Variants in PIK3C3 observed in about 807,000 individuals in gnomAD.
The protein encoded by PIK3C3 is phosphatidylinositol 3-kinase catalytic subunit type 3.
Under a neutral mutation model 126.1 loss-of-function variants are expected in PIK3C3, and 95 were observed. The observed-to-expected ratio is 0.75, with a 90% confidence interval of 0.64 to 0.89. The LOEUF (loss-of-function observed/expected upper bound fraction) is 0.89, where lower values mean the gene tolerates loss of function less well. Among genes scored for constraint, PIK3C3 ranks in the 40% least tolerant of loss-of-function variants. The probability of loss-of-function intolerance (pLI) is 0.00; values close to 1 mark genes in which losing one functional copy is unlikely to be tolerated. For missense variants in PIK3C3, 829 were observed against 1,063.2 expected, an observed-to-expected ratio of 0.78 and a Z score of 3.06; for synonymous variants, 374 against 360.0, an observed-to-expected ratio of 1.04 and a Z score of -0.44.
intron 16 of PIK3C3, among the ~76,000 whole-genome samples, chr18:42,035,719 T>A (rs1363705670): frequency 6.6e-6 from 1 of 152,148 alleles, no homozygotes; most frequent in African/African-American, 2.4e-5. Flanking sequence ...GATTATGCAC[T>A]TCAGAAAATT....
intron 22 of PIK3C3, among the ~76,000 whole-genome samples, chr18:42,061,727 C>T (rs953960237): frequency 4.6e-5 from 7 of 152,064 alleles, no homozygotes; most frequent in African/African-American, 1.7e-4. Flanking sequence ...AAGATTAATA[C>T]CAAAGGTAGT....
chr18:42,007,242 G>T (rs1319098417), intron 10 of PIK3C3, among the ~76,000 whole-genome samples: 1 of 152,066 alleles, frequency 6.6e-6, no homozygotes, highest in African/African-American at 2.4e-5. Flanking sequence ...TTTACATTTT[G>T]CAGACAATCC....
intron 20 of PIK3C3, among the ~76,000 whole-genome samples, chr18:42,044,361 A>G (rs1390957735): frequency 6.7e-6 from 1 of 148,312 alleles, no homozygotes; most frequent in Non-Finnish European, 1.5e-5. Flanking sequence ...CGAAGGTTAT[A>G]TTCTACAGGA....
chr18:42,052,035 AG>A (rs1984829374), intron 21 of PIK3C3, among the ~76,000 whole-genome samples: 3 of 152,010 alleles, frequency 2.0e-5, no homozygotes, highest in African/African-American at 7.2e-5. Flanking sequence ...AAAAAAAGGT[AG>A]TATTACATCT....
Position 42,015,498 on chromosome 18 carries a change from C to T in PIK3C3, c.1348C>T (p.Leu450Phe), listed in dbSNP as rs1272631006. ...CAGCTCCCAAATTATAACCAGCCCC[C>T]TTCCTTCAGTCTCTTCACCTCCTCC... The part of the protein sequence containing the change: ...IDSSQIITSP[L>F]PSVSSPPPAS... The change falls in exon 12 of 25, where the codon CTT becomes TTT. Residue 450 changes from leucine to phenylalanine, a missense_variant. Transcript: ENST00000262039. 3 of 1,613,570 alleles carry T rather than the reference C, an allele frequency of 1.9e-6. No individual in the cohort carries two copies. Among genetic ancestry groups the T allele is most frequent in the South Asian group, 1.1e-5 (1 of 91,062 alleles).
chr18:42,060,432 T>C (rs186171250), intron 22 of PIK3C3, among the ~76,000 whole-genome samples: 126 of 152,280 alleles, frequency 8.3e-4, no homozygotes, highest in African/African-American at 2.7e-3. Flanking sequence ...TACAAAGATG[T>C]TCTTTTTACA....
At chr18:42,004,202 A>G (rs997977015) in intron 9 of PIK3C3, among the ~76,000 whole-genome samples, 154 bp from the exon 10 acceptor site, 1 of 152,178 alleles carries the variant, frequency 6.6e-6, no homozygotes, top group Non-Finnish European at 1.5e-5. Flanking sequence ...GTGCTTCTAT[A>G]AGATCATATA....
intron 4 of PIK3C3, among the ~76,000 whole-genome samples, chr18:41,975,220 T>G (rs968176498): frequency 3.0e-4 from 45 of 152,230 alleles, no homozygotes; most frequent in African/African-American, 1.1e-3. Context: ...GTTCATTTAG[T>G]TATTGTTTCT....
rs1474723894 is a variant in PIK3C3 at position 42,077,149 on chromosome 18, A to G, written c.2650-3974A>G. 2.6e-5 allele frequency among the ~76,000 whole-genome samples: 4 copies of G among 152,246 alleles called. No individual in the cohort carries two copies. The East Asian group carries it at 7.7e-4, about 29-fold the overall frequency. ...TTATGTCTTTAAAAACTATGTGCCT[A>G]TCTTAAAAATATTGCTAAAAAATGC... On this transcript the variant is annotated intron_variant, in intron 24 of 24. Coordinates refer to ENST00000262039, the MANE Select transcript of PIK3C3 (RefSeq NM_002647.4).
chr18:42,049,725 G>A (rs912948824), intron 21 of PIK3C3, 120 bp downstream of exon 21: 34 of 747,894 alleles, frequency 4.5e-5, no homozygotes, highest in Non-Finnish European at 6.3e-5. Context: ...CGTAATCCCA[G>A]CACTTTGGGA....
At chr18:42,076,122 GCGCATATATATATATATATATGCGCATA>G (rs1985986332) in intron 24 of PIK3C3, among the ~76,000 whole-genome samples, 5 of 25,652 alleles carry the variant, frequency 1.9e-4, no homozygotes, top group African/African-American at 1.0e-3. Flanking sequence ...ATATATATAT[GCGCATATATATATATATATATGCGCATA>G]TATATATATA....
intron 3 of PIK3C3, among the ~76,000 whole-genome samples, chr18:41,965,544 G>C (rs1300238881): frequency 6.6e-6 from 1 of 150,460 alleles, no homozygotes; most frequent in Admixed American, 6.6e-5. Flanking sequence ...CATCTTCCTG[G>C]GTTCTCACTA....
At chr18:42,078,895 C>T (rs1986134962) in intron 24 of PIK3C3, among the ~76,000 whole-genome samples, 2 of 152,208 alleles carry the variant, frequency 1.3e-5, no homozygotes, top group South Asian at 4.1e-4. Flanking sequence ...GAATTGAAGA[C>T]AGTTAAGGCC....
chr18:41,968,286 T>C (rs952419959), intron 3 of PIK3C3, among the ~76,000 whole-genome samples: 1 of 152,234 alleles, frequency 6.6e-6, no homozygotes, highest in Non-Finnish European at 1.5e-5. Context: ...AGGATATTTA[T>C]TTAAAGTGAT....
intron 5 of PIK3C3, among the ~76,000 whole-genome samples, chr18:41,989,464 G>A (rs1411699989): frequency 3.3e-5 from 5 of 152,124 alleles, no homozygotes; most frequent in Admixed American, 1.3e-4. Flanking sequence ...CATCACCTTA[G>A]TATAGTCATG....
At chr18:41,958,011 GACCAAA>G (rs1165814321) in intron 2 of PIK3C3, among the ~76,000 whole-genome samples, 1 of 152,118 alleles carries the variant, frequency 6.6e-6, no homozygotes, top group East Asian at 1.9e-4. Flanking sequence ...TGATTTACAT[GACCAAA>G]AACAAAAACA....
At chr18:42,007,397 A>C (rs1332693849) in intron 10 of PIK3C3, among the ~76,000 whole-genome samples, 1 of 151,824 alleles carries the variant, frequency 6.6e-6, no homozygotes, top group Admixed American at 6.6e-5. Context: ...CTTTCCATGA[A>C]TTTTAGAATA....
chr18:42,027,001 A>G (rs1485178327), intron 13 of PIK3C3: 1 of 152,250 alleles, frequency 6.6e-6, no homozygotes, highest in Non-Finnish European at 1.5e-5. Flanking sequence ...TTTTGAAAAT[A>G]TAAGTGACAA....
chr18:42,039,648 C>T (rs1984214500), intron 18 of PIK3C3, among the ~76,000 whole-genome samples: 1 of 152,208 alleles, frequency 6.6e-6, no homozygotes, highest in African/African-American at 2.4e-5. Context: ...ACATTCTTTG[C>T]TCCATGGCCT....
Sources: gnomAD v4.1 joint callset for allele counts (sites outside exome capture counted in the v4.1 genomes callset) on GRCh38, gnomAD v4.1.1 for gene constraint, MANE v1.5 for transcripts, NCBI Gene and HGNC (gene_info 2026-07-23, HGNC 2026-07-21) for gene names.